Variants in ZDHHC21 observed in about 807,000 individuals in gnomAD.
The protein encoded by ZDHHC21 is palmitoyltransferase ZDHHC21.
Under a neutral mutation model 34.6 loss-of-function variants are expected in ZDHHC21, and 15 were observed. The observed-to-expected ratio is 0.43, with a 90% CI of 0.29 to 0.67. ZDHHC21 has a LOEUF of 0.67. Ranked by LOEUF, ZDHHC21 falls within the 30% of genes least tolerant of loss-of-function variation. ZDHHC21 has a pLI of 0.14. For synonymous variants in ZDHHC21, 142 were observed against 101.8 expected (o/e 1.40, Z -2.38); for missense variants, 344 against 327.7 (o/e 1.05, Z -0.38).
chr9:14,636,872 A>G (rs1171758809), intron 8 of ZDHHC21, among the ~76,000 whole-genome samples: 1 of 152,128 alleles, frequency 6.6e-6, no homozygotes, highest in Non-Finnish European at 1.5e-5. Context: ...TGAAAACGAA[A>G]CATACCAAAA....
At chr9:14,642,111 T>G (rs181299880) in intron 7 of ZDHHC21, among the ~76,000 whole-genome samples, 65 of 152,320 alleles carry the variant, frequency 4.3e-4, no homozygotes, top group Admixed American at 1.6e-3. Context: ...GATCTACTTA[T>G]AATATTACAT....
chr9:14,673,507 T>C lies in ZDHHC21; in HGVS notation c.155-579A>G, dbSNP rs377411048. Reference sequence around the variant, plus strand: ...TTCTACATTTTTAAATTAGTAAGAATAGAGAAATTCTGTTGGGGCGATAAA... The same window carrying C: ...TTCTACATTTTTAAATTAGTAAGAACAGAGAAATTCTGTTGGGGCGATAAA... On this transcript the variant is annotated intron_variant, in intron 4 of 9. Transcript: ENST00000380916. Among the ~76,000 whole-genome samples, 5 of 151,202 alleles carry C rather than the reference T, an allele frequency of 3.3e-5. No individual in the cohort carries two copies. In the East Asian group the frequency reaches 7.7e-4, roughly 23 times the overall value.
chr9:14,684,285 T>C (rs1208859929), intron 2 of ZDHHC21, among the ~76,000 whole-genome samples: 8 of 151,864 alleles, frequency 5.3e-5, no homozygotes, highest in African/African-American at 7.3e-5. Flanking sequence ...GATGACATGA[T>C]TGTGTATTTA....
intron 5 of ZDHHC21, among the ~76,000 whole-genome samples, chr9:14,671,340 T>C (rs910097443): frequency 1.3e-5 from 2 of 152,072 alleles, no homozygotes; most frequent in Non-Finnish European, 2.9e-5. Context: ...AAAATCACTA[T>C]GTAATGCTTT....
At chr9:14,667,308 T>G (rs1030580726) in intron 5 of ZDHHC21, among the ~76,000 whole-genome samples, 4 of 149,396 alleles carry the variant, frequency 2.7e-5, no homozygotes, top group Admixed American at 6.6e-5. Flanking sequence ...AGGAAGAAGT[T>G]GAATCTCTGA....
At chr9:14,635,463 T>C (rs1828118894) in intron 8 of ZDHHC21, among the ~76,000 whole-genome samples, 1 of 152,204 alleles carries the variant, frequency 6.6e-6, no homozygotes, top group East Asian at 1.9e-4. Context: ...ATATGAGGAA[T>C]CTGCATCAGA....
chr9:14,605,482 TC>T, the ZDHHC21 span, among the ~76,000 whole-genome samples: 8 of 152,328 alleles, frequency 5.3e-5, 1 homozygote, highest in Admixed American at 1.3e-4. Context: ...TTGTGTGTCT[TC>T]TTTGGAGAAA....
intron 7 of ZDHHC21, among the ~76,000 whole-genome samples, chr9:14,645,742 A>T (rs1830178030): frequency 6.6e-6 from 1 of 152,164 alleles, no homozygotes; most frequent in South Asian, 2.1e-4. Context: ...AGAAAAAGTC[A>T]AATGGGAAAA....
At chr9:14,665,219 G>A (rs1470160643) in intron 5 of ZDHHC21, among the ~76,000 whole-genome samples, 1 of 136,532 alleles carries the variant, frequency 7.3e-6, no homozygotes, top group Non-Finnish European at 1.6e-5. Flanking sequence ...CTCAGGAGCC[G>A]ATGCGATCAA....
rs547300190 is a variant in ZDHHC21 at position 14,685,751 on chromosome 9, G to A, written c.-176+4586C>T. ...ATCATGCTGCTATAAAGACACATGC[G>A]CACGTATGTGTATTGCAGCACTATT... On this transcript the variant is annotated intron_variant, in intron 2 of 9. Transcript: ENST00000380916. 3.2e-4 allele frequency among the ~76,000 whole-genome samples: 49 copies of A among 152,188 alleles called. 1 individual carries two copies. The highest frequency in any genetic ancestry group is 2.6e-4 in the Admixed American group (4 of 15,282).
Position 14,674,335 on chromosome 9 carries a change from A to T in ZDHHC21, c.6T>A (p.Gly2=). The T allele has an allele frequency of 6.3e-7, 1 of 1,593,918 alleles. No homozygotes were observed. Among genetic ancestry groups the T allele is most frequent in the East Asian group, 2.3e-5 (1 of 43,250 alleles). Residue 2 remains glycine (G), a synonymous_variant, in exon 4 of 10, where the codon GGT becomes GGA. Coordinates refer to ENST00000380916, the MANE Select transcript of ZDHHC21 (RefSeq NM_178566.6). The stretch of plus-strand genomic sequence containing the variant: ...GGTCAACAACAAAGTGAATCCGGAG[A>T]CCCATTTTGCAATCTTATAACTGCC... M[G]LRIHFVVDPH... is the part of the protein sequence containing the mutation.
chr9:14,642,137 T>C (rs558092366), intron 7 of ZDHHC21, among the ~76,000 whole-genome samples: 12 of 152,358 alleles, frequency 7.9e-5, no homozygotes, highest in Admixed American at 7.8e-4. Flanking sequence ...CATTTGGTTA[T>C]ACATTTATAT....
rs116494893 is a variant in ZDHHC21 at position 14,640,961 on chromosome 9, T to C, written c.505-949A>G. Among the ~76,000 whole-genome samples, 941 of 152,284 alleles carry C rather than the reference T, an allele frequency of 6.2e-3. 15 individuals are homozygous for C. The highest frequency in any genetic ancestry group is 0.021 in the African/African-American group (889 of 41,562). ...AGAGATGAAGAACTAAGACTTCTCC[T>C]GGAAATCTGCTGTTGCTAAGCTGTG... is the stretch of plus-strand genomic sequence containing the variant. On this transcript the variant is annotated intron_variant, in intron 7 of 9. Transcript: ENST00000380916.
At chr9:14,619,966 T>C (rs1825003437) in intron 8 of ZDHHC21, among the ~76,000 whole-genome samples, 1 of 152,058 alleles carries the variant, frequency 6.6e-6, no homozygotes, top group Non-Finnish European at 1.5e-5. Context: ...TTATTACACT[T>C]GCTTTCTTGA....
Position 14,617,314 on chromosome 9 carries a change from G to A in ZDHHC21, c.*1652C>T, listed in dbSNP as rs1564183961. 1 of 151,844 alleles carries A rather than the reference G, an allele frequency of 6.6e-6. No individual in the cohort carries two copies. The highest frequency in any genetic ancestry group is 1.5e-5 in the Non-Finnish European group (1 of 67,882). The allele number at this position is 151,844 out of a possible 1,614,324, so 9.4% of individuals were successfully genotyped here. Reference sequence around the variant, plus strand: ...GCTGTATTTCTGTTCGTATTTCTGAGTTTGTAAGTAATAAAGTATTCTAAT... The same window carrying A: ...GCTGTATTTCTGTTCGTATTTCTGAATTTGTAAGTAATAAAGTATTCTAAT... On this transcript the variant is annotated 3_prime_UTR_variant, in exon 10 of 10. Transcript: ENST00000380916.
At chr9:14,651,377 T>C (rs976770580) in intron 7 of ZDHHC21, among the ~76,000 whole-genome samples, 2 of 151,882 alleles carry the variant, frequency 1.3e-5, no homozygotes, top group East Asian at 3.9e-4. Flanking sequence ...TAGTATTGAA[T>C]GGGAGTTTGA....
At chr9:14,665,913 A>G (rs1223710089) in intron 5 of ZDHHC21, among the ~76,000 whole-genome samples, 11 of 149,882 alleles carry the variant, frequency 7.3e-5, no homozygotes, top group Non-Finnish European at 1.3e-4. Context: ...TGTAAAGACC[A>G]TCGAGACTAG....
At position 14,611,309 on chromosome 9, in the gene ZDHHC21, T is replaced by C. The variant is rs1453456144; in HGVS notation, c.*7657A>G. On this transcript the variant is annotated 3_prime_UTR_variant, in exon 10 of 10. Transcript: ENST00000380916. ...AGTGTAGACTTTTCATCTAAACAAA[T>C]ACATCTCAGCTACATGGTTCCCACT... 2.0e-5 allele frequency: 3 copies of C among 152,008 alleles called. No homozygotes were observed. In the East Asian group the frequency reaches 5.8e-4, roughly 29 times the overall value. The allele number at this position is 152,008 out of a possible 1,614,324, so 9.4% of individuals were successfully genotyped here. A position where few individuals can be genotyped will look rare whatever the true frequency, so the allele number is the denominator to read the frequency against.
chr9:14,599,138 T>G, the ZDHHC21 span, among the ~76,000 whole-genome samples: 1 of 152,168 alleles, frequency 6.6e-6, no homozygotes, highest in African/African-American at 2.4e-5. Flanking sequence ...ATGTAAGAAG[T>G]GCCTTTATGG....
Sources: gnomAD v4.1 joint callset for allele counts (sites outside exome capture counted in the v4.1 genomes callset) on GRCh38, gnomAD v4.1.1 for gene constraint, MANE v1.5 for transcripts, NCBI Gene and HGNC (gene_info 2026-07-23, HGNC 2026-07-21) for gene names.